Variants in DDX10 observed in about 807,000 individuals in gnomAD.
DDX10 encodes the protein DEAD-box helicase 10, also known as probable ATP-dependent RNA helicase DDX10.
In DDX10, 74 loss-of-function variants were observed where a neutral mutation model predicts 104.3. That is an observed-to-expected ratio of 0.71 (90% CI 0.59 to 0.86). DDX10 has a LOEUF of 0.86. DDX10 is among the 40% of genes least tolerant of loss of function. DDX10 has a pLI of 0.00. For missense variants in DDX10, 952 were observed against 1,040.0 expected (o/e 0.92, Z 1.16); for synonymous variants, 351 against 353.4 (o/e 0.99, Z 0.08).
chr11:108,770,813 T>C (rs2094362198), intron 13 of DDX10, among the ~76,000 whole-genome samples: 4 of 152,012 alleles, frequency 2.6e-5, no homozygotes, highest in Admixed American at 2.6e-4. Context: ...CAACAAACAT[T>C]GGGAGTGCAG....
In DDX10 at chr11:108,679,366, T is replaced by C. The variant is rs1294986455; in HGVS notation, c.659-5T>C. On this transcript the variant is annotated splice_polypyrimidine_tract_variant and splice_region_variant and intron_variant, in intron 5 of 17. Transcript: ENST00000322536. ...GATAGTTCAACTTGCATTTTCCTTT[T>C]TCAGTTCTTGATGAAGCAGATAGAA... The C allele has an allele frequency of 1.3e-6, 2 of 1,586,052 alleles. No homozygotes were observed. Among genetic ancestry groups the C allele is most frequent in the Admixed American group, 3.8e-5 (2 of 52,598 alleles).
At chr11:108,902,749 C>T (rs562986177) in intron 16 of DDX10, among the ~76,000 whole-genome samples, 1 of 152,122 alleles carries the variant, frequency 6.6e-6, no homozygotes, top group East Asian at 1.9e-4. Flanking sequence ...AAGATGCTAT[C>T]TCTTCTTCCT....
At chr11:108,686,527 A>G (rs2094244360) in intron 6 of DDX10, among the ~76,000 whole-genome samples, 1 of 152,196 alleles carries the variant, frequency 6.6e-6, no homozygotes. Context: ...ACTTAATATT[A>G]CGCATTTAAG....
intron 16 of DDX10, among the ~76,000 whole-genome samples, chr11:108,856,771 T>C (rs1173172189): frequency 6.6e-6 from 1 of 152,120 alleles, no homozygotes; most frequent in Non-Finnish European, 1.5e-5. Context: ...ATCCATGAAA[T>C]TGAAGAGCGA....
chr11:108,670,486 T>C (rs557005651), intron 1 of DDX10, among the ~76,000 whole-genome samples: 4 of 152,296 alleles, frequency 2.6e-5, no homozygotes, highest in Admixed American at 2.6e-4. Flanking sequence ...GGGCCTGCAG[T>C]AGCACTGCTG....
intron 12 of DDX10, among the ~76,000 whole-genome samples, chr11:108,721,522 A>G (rs1417113838): frequency 6.6e-6 from 1 of 152,220 alleles, no homozygotes; most frequent in African/African-American, 2.4e-5. Flanking sequence ...ATTTGTTGCA[A>G]TAGATTCCAG....
At chr11:108,757,665 A>C (rs1251826432) in intron 13 of DDX10, among the ~76,000 whole-genome samples, 1 of 152,066 alleles carries the variant, frequency 6.6e-6, no homozygotes, top group Non-Finnish European at 1.5e-5. Context: ...ATTTTTCCAG[A>C]ACCACTTGTT....
At chr11:108,694,813 G>A (rs2094257456) in intron 9 of DDX10, among the ~76,000 whole-genome samples, 2 of 152,034 alleles carry the variant, frequency 1.3e-5, no homozygotes, top group African/African-American at 4.8e-5. Flanking sequence ...CCCGGGAGGC[G>A]GAGGTTGCAG....
chr11:108,712,904 C>A (rs1324575900), intron 10 of DDX10, among the ~76,000 whole-genome samples: 1 of 151,608 alleles, frequency 6.6e-6, no homozygotes, highest in Admixed American at 6.6e-5. Flanking sequence ...AAAAGTGTTT[C>A]TCTTTCACTT....
intron 13 of DDX10, among the ~76,000 whole-genome samples, chr11:108,778,275 G>C (rs1181249699): frequency 6.7e-6 from 1 of 148,236 alleles, no homozygotes; most frequent in Non-Finnish European, 1.5e-5. Flanking sequence ...GAGGCATCAC[G>C]CTACCTGACT....
rs2094231089 is a variant in DDX10 at position 108,679,279 on chromosome 11, T to C, written c.659-92T>C. On this transcript the variant is annotated intron_variant, in intron 5 of 17. Transcript: ENST00000322536. ...ACCAGTTTTTCCGCTAATGTTCTTT[T>C]TCTGTTTTAGGATCCAATCCAGGAT... The C allele has an allele frequency of 3.6e-6, 4 of 1,100,726 alleles. No individual in the cohort carries two copies. In the South Asian group the frequency reaches 6.7e-5, roughly 18 times the overall value. The allele number at this position is 1,100,726 out of a possible 1,614,324, so 68.2% of individuals were successfully genotyped here.
intron 13 of DDX10, among the ~76,000 whole-genome samples, chr11:108,788,288 A>ATAGT (rs1861822643): frequency 6.6e-6 from 1 of 152,052 alleles, no homozygotes; most frequent in East Asian, 1.9e-4. Context: ...TAAGTTGGGT[A>ATAGT]TAGTTAGTTG....
intron 6 of DDX10, among the ~76,000 whole-genome samples, chr11:108,685,628 A>T (rs1375998803): frequency 6.7e-6 from 1 of 148,694 alleles, no homozygotes; most frequent in Non-Finnish European, 1.5e-5. Flanking sequence ...CTAAGTGCTA[A>T]CAGGCATGGT....
chr11:108,787,523 G>A (rs546730186), intron 13 of DDX10, among the ~76,000 whole-genome samples: 6 of 152,212 alleles, frequency 3.9e-5, no homozygotes, highest in Admixed American at 2.0e-4. Context: ...ATATTACTCA[G>A]TGGTGTTTTT....
intron 13 of DDX10, among the ~76,000 whole-genome samples, chr11:108,805,581 A>AT (rs1862086991): frequency 6.6e-6 from 1 of 152,048 alleles, no homozygotes; most frequent in African/African-American, 2.4e-5. Context: ...GAACATTTTC[A>AT]TTTTTTATTT....
chr11:108,815,169 A>C (rs1862238205), intron 13 of DDX10, among the ~76,000 whole-genome samples: 2 of 152,152 alleles, frequency 1.3e-5, no homozygotes, highest in African/African-American at 4.8e-5. Context: ...ACTTTGATGT[A>C]ACATTACCTT....
At chr11:108,839,674 G>A (rs1442815210) in intron 14 of DDX10, among the ~76,000 whole-genome samples, 1 of 152,074 alleles carries the variant, frequency 6.6e-6, no homozygotes, top group East Asian at 1.9e-4. Context: ...ATGTTATTTT[G>A]GGATGTATAA....
intron 16 of DDX10, among the ~76,000 whole-genome samples, chr11:108,899,852 G>A (rs983196277): frequency 5.9e-5 from 9 of 152,126 alleles, no homozygotes; most frequent in African/African-American, 2.2e-4. Flanking sequence ...TGTGGCTGAC[G>A]CCTGTAATCC....
intron 13 of DDX10, among the ~76,000 whole-genome samples, chr11:108,783,695 A>G (rs186549315): frequency 2.6e-5 from 4 of 152,238 alleles, no homozygotes; most frequent in African/African-American, 4.8e-5. Flanking sequence ...AACTTTTATT[A>G]TAGATTAAAG....
Sources: gnomAD v4.1 joint callset for allele counts (sites outside exome capture counted in the v4.1 genomes callset) on GRCh38, gnomAD v4.1.1 for gene constraint, MANE v1.5 for transcripts, NCBI Gene and HGNC (gene_info 2026-07-23, HGNC 2026-07-21) for gene names.